The following NXPH1 variants were observed in gnomAD, a reference collection of about 807,000 sequenced individuals.
The protein encoded by NXPH1 is neurexophilin 1, also known as neurexophilin-1.
In NXPH1, 5 loss-of-function variants were observed where a neutral mutation model predicts 23.7. That is an observed-to-expected ratio of 0.21 (90% confidence interval 0.11 to 0.44). The LOEUF (loss-of-function observed/expected upper bound fraction) is 0.44. NXPH1 is among the 20% of genes least tolerant of loss of function. NXPH1 has a pLI of 0.99. For missense variants in NXPH1, 324 were observed against 321.6 expected (o/e 1.01, Z -0.06); for synonymous variants, 144 against 122.2 (o/e 1.18, Z -1.18).
intron 2 of NXPH1, among the ~76,000 whole-genome samples, chr7:8,709,961 A>T (rs112727637): frequency 4.6e-4 from 70 of 152,318 alleles, no homozygotes; most frequent in African/African-American, 1.7e-3. Context: ...GACCAGTAAT[A>T]AGGCTCACAA....
At chr7:8,667,934 C>G (rs891758749) in intron 2 of NXPH1, among the ~76,000 whole-genome samples, 1 of 151,910 alleles carries the variant, frequency 6.6e-6, no homozygotes, top group African/African-American at 2.4e-5. Flanking sequence ...TTCGAGTTCA[C>G]AGATTCTTTC....
chr7:8,448,276 T>C (rs974050238), intron 2 of NXPH1, among the ~76,000 whole-genome samples: 2 of 152,184 alleles, frequency 1.3e-5, no homozygotes, highest in Non-Finnish European at 2.9e-5. Context: ...ACTGGTACAA[T>C]GCAATGATGA....
At chr7:8,460,554 A>G (rs928560664) in intron 2 of NXPH1, among the ~76,000 whole-genome samples, 22 of 152,102 alleles carry the variant, frequency 1.4e-4, no homozygotes, top group African/African-American at 5.3e-4. Flanking sequence ...GATCAATGGG[A>G]AGGTTTGGAT....
intron 2 of NXPH1, among the ~76,000 whole-genome samples, chr7:8,499,828 A>G (rs916303241): frequency 5.3e-5 from 8 of 152,046 alleles, no homozygotes; most frequent in African/African-American, 1.7e-4. Context: ...ATGGCTTTCC[A>G]TAGAACCACA....
chr7:8,578,440 C>G (rs1258480393), intron 2 of NXPH1, among the ~76,000 whole-genome samples: 1 of 152,212 alleles, frequency 6.6e-6, no homozygotes, highest in Non-Finnish European at 1.5e-5. Context: ...AGCAAATAGA[C>G]AGTTACAATT....
intron 2 of NXPH1, among the ~76,000 whole-genome samples, chr7:8,562,513 GT>G (rs5882173): frequency 0.097 from 14,130 of 145,032 alleles, 777 homozygotes; most frequent in African/African-American, 0.16. Context: ...AATGAAATGA[GT>G]TTTTTTTTTT....
intron 2 of NXPH1, among the ~76,000 whole-genome samples, chr7:8,448,476 A>G (rs117589127): frequency 5.9e-5 from 9 of 152,328 alleles, no homozygotes; most frequent in South Asian, 2.1e-4. Flanking sequence ...CCAGAAAGCC[A>G]TATGTATTTA....
intron 2 of NXPH1, among the ~76,000 whole-genome samples, chr7:8,745,719 A>ATTTTTTTTTTT (rs56019801): frequency 8.1e-3 from 899 of 111,660 alleles, no homozygotes; most frequent in East Asian, 0.016. Context: ...CGCCCAGCTA[A>ATTTTTTTTTTT]TTTTTTTTTT....
At chr7:8,570,385 T>A (rs1383813791) in intron 2 of NXPH1, among the ~76,000 whole-genome samples, 1 of 151,924 alleles carries the variant, frequency 6.6e-6, no homozygotes, top group Admixed American at 6.6e-5. Context: ...TTTTTGTGCG[T>A]TAGTGTCATT....
intron 2 of NXPH1, among the ~76,000 whole-genome samples, chr7:8,555,234 GC>G (rs1818338132): frequency 6.6e-6 from 1 of 151,658 alleles, no homozygotes; most frequent in Non-Finnish European, 1.5e-5. Flanking sequence ...GTTATTTTCT[GC>G]TCAGCACTCC....
chr7:8,554,921 T>C (rs1483129859), intron 2 of NXPH1, among the ~76,000 whole-genome samples: 1 of 151,718 alleles, frequency 6.6e-6, no homozygotes, highest in Non-Finnish European at 1.5e-5. Context: ...GATATCAAAT[T>C]GATGGAAATT....
At chr7:8,689,710 GA>G (rs1420243196) in intron 2 of NXPH1, among the ~76,000 whole-genome samples, 1 of 152,130 alleles carries the variant, frequency 6.6e-6, no homozygotes, top group Non-Finnish European at 1.5e-5. Context: ...AACTCAGTCA[GA>G]AAGGAATCCA....
Position 8,751,198 on chromosome 7 carries a change from AT to A in NXPH1, c.247del (p.Ser83LeufsTer9). ...LDLRYDTPEP[Y>X]SEQDLWDWLR... ...CTGAGATATGACACCCCAGAACCTT[AT>A]TCTGAGCAAGACCTCTGGGACTGGC... On this transcript the variant is annotated frameshift_variant, in exon 3 of 3. Transcript: ENST00000405863. LOFTEE classifies it high-confidence loss of function. This position sits in a 1 kb window ranked among gnomAD's most constrained non-coding sequence, Gnocchi z 4.5. 1 of 1,613,818 alleles carries A rather than the reference AT, an allele frequency of 6.2e-7. No homozygotes were observed.
intron 2 of NXPH1, among the ~76,000 whole-genome samples, chr7:8,511,798 A>T (rs1178823154): frequency 6.6e-6 from 1 of 152,132 alleles, no homozygotes; most frequent in South Asian, 2.1e-4. Flanking sequence ...TGTAGACCCT[A>T]CTGAAGATTC....
chr7:8,597,275 G>T (rs368150627), intron 2 of NXPH1, among the ~76,000 whole-genome samples: 2 of 152,068 alleles, frequency 1.3e-5, no homozygotes, highest in South Asian at 4.1e-4. Flanking sequence ...CCATTAAAGG[G>T]TAAAGTTTAT....
intron 2 of NXPH1, among the ~76,000 whole-genome samples, chr7:8,571,270 C>A (rs1818641767): frequency 1.3e-5 from 2 of 151,480 alleles, no homozygotes; most frequent in Non-Finnish European, 3.0e-5. Flanking sequence ...GAGGACCACT[C>A]CCAGATATAT....
At chr7:8,579,336 A>C (rs139596527) in intron 2 of NXPH1, among the ~76,000 whole-genome samples, 1 of 151,836 alleles carries the variant, frequency 6.6e-6, no homozygotes, top group Non-Finnish European at 1.5e-5. Context: ...CTATTAATCT[A>C]AGATTCATGG....
At chr7:8,629,885 T>G (rs1258963755) in intron 2 of NXPH1, among the ~76,000 whole-genome samples, 1 of 152,174 alleles carries the variant, frequency 6.6e-6, no homozygotes, top group Non-Finnish European at 1.5e-5. Flanking sequence ...CTATAGATAA[T>G]TTAGGTCCTA....
intron 2 of NXPH1, among the ~76,000 whole-genome samples, chr7:8,448,626 G>T (rs1292779595): frequency 6.6e-6 from 1 of 152,110 alleles, no homozygotes; most frequent in Non-Finnish European, 1.5e-5. Flanking sequence ...AGACCAGCCT[G>T]GGCAACATGG....
Sources: gnomAD v4.1 joint callset for allele counts (sites outside exome capture counted in the v4.1 genomes callset) on GRCh38, gnomAD v4.1.1 for gene constraint, Gnocchi (gnomAD v3.1) non-coding constraint, MANE v1.5 for transcripts, NCBI Gene and HGNC (gene_info 2026-07-23, HGNC 2026-07-21) for gene names.